The following CPQ variants were observed in gnomAD, a reference collection of about 807,000 sequenced individuals.
The protein encoded by CPQ is Ser-Met dipeptidase.
CPQ carries 37 observed loss-of-function variants against 45.7 expected under a neutral mutation model. That is an observed-to-expected ratio of 0.81 (90% confidence interval 0.62 to 1.07). The LOEUF is 1.07. Among genes scored for constraint, CPQ ranks in the 50% least tolerant of loss-of-function variants. CPQ has a pLI of 0.00. For missense variants in CPQ, 537 were observed against 572.9 expected, an observed-to-expected ratio of 0.94 and a Z score of 0.64; for synonymous variants, 186 against 205.8, an observed-to-expected ratio of 0.90 and a Z score of 0.82.
At chr8:96,901,618 A>T (rs1812512645) in intron 4 of CPQ, among the ~76,000 whole-genome samples, 1 of 152,194 alleles carries the variant, frequency 6.6e-6, no homozygotes, top group African/African-American at 2.4e-5. Flanking sequence ...TTCAGTGTGG[A>T]TGTCTTAGCT....
chr8:97,053,150 T>C (rs1258071772), intron 6 of CPQ, among the ~76,000 whole-genome samples: 1 of 152,168 alleles, frequency 6.6e-6, no homozygotes, highest in African/African-American at 2.4e-5. Context: ...TATACACACA[T>C]ATGTGTTTAA....
intron 7 of CPQ, among the ~76,000 whole-genome samples, chr8:97,089,878 A>G (rs1004047894): frequency 6.6e-6 from 1 of 152,108 alleles, no homozygotes; most frequent in African/African-American, 2.4e-5. Context: ...CAATACCCCA[A>G]AATACTAATG....
chr8:97,032,786 C>T (rs1586504637), intron 6 of CPQ, among the ~76,000 whole-genome samples: 2 of 152,320 alleles, frequency 1.3e-5, no homozygotes, highest in East Asian at 1.9e-4. Flanking sequence ...AAGGACCTTA[C>T]ATTTTACTTC....
At chr8:97,017,077 C>T (rs1204796531) in intron 5 of CPQ, among the ~76,000 whole-genome samples, 1 of 152,198 alleles carries the variant, frequency 6.6e-6, no homozygotes, top group Non-Finnish European at 1.5e-5. Context: ...TACTGTAAGA[C>T]ACCCCAAAAA....
intron 5 of CPQ, among the ~76,000 whole-genome samples, chr8:96,994,603 C>T (rs1348767055): frequency 1.3e-5 from 2 of 152,068 alleles, no homozygotes; most frequent in African/African-American, 4.8e-5. Flanking sequence ...CTTCCAATCC[C>T]TATAATACTA....
At chr8:96,952,161 T>TA (rs1223961716) in intron 4 of CPQ, among the ~76,000 whole-genome samples, 1 of 152,068 alleles carries the variant, frequency 6.6e-6, no homozygotes, top group East Asian at 1.9e-4. Context: ...CATACTCAAA[T>TA]AAAAGGTCAT....
chr8:96,794,155 C>T (rs533426709), intron 2 of CPQ, among the ~76,000 whole-genome samples: 1 of 152,334 alleles, frequency 6.6e-6, no homozygotes, highest in East Asian at 1.9e-4. Flanking sequence ...CCCTTCTGCA[C>T]TGCCCTAGGG....
intron 5 of CPQ, among the ~76,000 whole-genome samples, chr8:96,982,737 C>T (rs1259485697): frequency 2.0e-5 from 3 of 152,176 alleles, no homozygotes; most frequent in Non-Finnish European, 2.9e-5. Context: ...CTTGAACAGA[C>T]TGTATCTAGT....
chr8:97,099,115 CTTTTTTTTTTTTTT>C (rs34830752), intron 7 of CPQ, among the ~76,000 whole-genome samples: 2 of 66,316 alleles, frequency 3.0e-5, no homozygotes, highest in African/African-American at 1.2e-4. Flanking sequence ...CCTTCTCTCT[CTTTTTTTTTTTTTT>C]TTTTTTTTTT....
intron 1 of CPQ, among the ~76,000 whole-genome samples, chr8:96,744,110 G>A (rs1810138863): frequency 6.6e-6 from 1 of 152,262 alleles, no homozygotes; most frequent in Non-Finnish European, 1.5e-5. Context: ...TCAGACTGCT[G>A]TGCTAGCAAT....
At chr8:96,730,584 A>T (rs372879398) in intron 1 of CPQ, among the ~76,000 whole-genome samples, 12 of 152,124 alleles carry the variant, frequency 7.9e-5, no homozygotes, top group African/African-American at 2.6e-4. Context: ...GCTGGTTGTC[A>T]GTGGGCCTAT....
chr8:96,810,803 A>G (rs1811152170), intron 2 of CPQ, among the ~76,000 whole-genome samples: 1 of 152,126 alleles, frequency 6.6e-6, no homozygotes, highest in South Asian at 2.1e-4. Context: ...TCACTCTGTT[A>G]TTTCTCATTG....
chr8:96,845,403 T>C (rs1811671578), intron 3 of CPQ, among the ~76,000 whole-genome samples: 1 of 152,232 alleles, frequency 6.6e-6, no homozygotes, highest in Non-Finnish European at 1.5e-5. Context: ...ATTGATTGAA[T>C]AAATAACTAT....
At chr8:97,042,414 T>C (rs1340609826) in intron 6 of CPQ, among the ~76,000 whole-genome samples, 1 of 152,186 alleles carries the variant, frequency 6.6e-6, no homozygotes, top group Non-Finnish European at 1.5e-5. Context: ...CTATCAATTT[T>C]GTTGATCCTT....
At chr8:96,782,536 C>T (rs1204942497) in intron 1 of CPQ, among the ~76,000 whole-genome samples, 1 of 152,074 alleles carries the variant, frequency 6.6e-6, no homozygotes, top group Non-Finnish European at 1.5e-5. Context: ...CGGTCATTTT[C>T]TTATTGTCTT....
intron 5 of CPQ, among the ~76,000 whole-genome samples, chr8:97,007,832 A>G (rs1563552625): frequency 6.6e-6 from 1 of 152,212 alleles, no homozygotes; most frequent in Non-Finnish European, 1.5e-5. Flanking sequence ...GAAGTAAGGA[A>G]GTGGGCTGCA....
chr8:96,875,350 T>C (rs988778778), intron 3 of CPQ, among the ~76,000 whole-genome samples: 1 of 151,940 alleles, frequency 6.6e-6, no homozygotes, highest in African/African-American at 2.4e-5. Context: ...ATCTATTTTT[T>C]ATTTTGTTGC....
chr8:96,701,860 T>C (rs376822798), intron 1 of CPQ, among the ~76,000 whole-genome samples: 8 of 152,312 alleles, frequency 5.3e-5, no homozygotes, highest in African/African-American at 1.9e-4. Context: ...AACTTTTGTT[T>C]GTGCAATAGC....
chr8:97,044,688 G>GT, intron 6 of CPQ, among the ~76,000 whole-genome samples: 1 of 152,286 alleles, frequency 6.6e-6, no homozygotes, highest in South Asian at 2.1e-4. Context: ...CTGTTTGTTA[G>GT]TTTTCCTTCT....
Sources: allele counts gnomAD v4.1 joint callset (sites outside exome capture counted in the v4.1 genomes callset), GRCh38; gene constraint gnomAD v4.1.1; transcripts MANE v1.5; gene names NCBI Gene and HGNC (gene_info 2026-07-23, HGNC 2026-07-21).